Variants in SMC6 observed in about 807,000 individuals in gnomAD.
The protein encoded by SMC6 is structural maintenance of chromosomes 6.
Under a neutral mutation model 142.2 loss-of-function variants are expected in SMC6, and 79 were observed. That is an observed-to-expected ratio of 0.56 (90% CI 0.46 to 0.67). The LOEUF is 0.67. Among genes scored for constraint, SMC6 ranks in the 30% least tolerant of loss-of-function variants. SMC6 has a pLI of 0.00. For missense variants in SMC6, 1,072 were observed against 1,284.0 expected (o/e 0.83, Z 2.52); for synonymous variants, 411 against 412.4 (o/e 1.00, Z 0.04).
intron 23 of SMC6, among the ~76,000 whole-genome samples, chr2:17,689,954 T>C (rs1401420579): frequency 6.6e-6 from 1 of 152,190 alleles, no homozygotes; most frequent in African/African-American, 2.4e-5. Flanking sequence ...AATCAGTGGA[T>C]ACAGAGAGCC....
chr2:17,705,808 T>C (rs546906867), intron 18 of SMC6, among the ~76,000 whole-genome samples: 13 of 152,330 alleles, frequency 8.5e-5, no homozygotes, highest in African/African-American at 3.1e-4. Flanking sequence ...TTTTTTTTAC[T>C]GAGTTTTTAC....
chr2:17,742,138 G>A (rs921549837), intron 3 of SMC6, among the ~76,000 whole-genome samples: 2 of 152,138 alleles, frequency 1.3e-5, no homozygotes, highest in Non-Finnish European at 2.9e-5. Flanking sequence ...TCCCTGGGGG[G>A]CGCAAAAGGG....
chr2:17,671,010 T>C (rs568229275), intron 25 of SMC6, among the ~76,000 whole-genome samples: 1 of 150,758 alleles, frequency 6.6e-6, no homozygotes, highest in East Asian at 2.0e-4. Flanking sequence ...CACAGGAGTA[T>C]GCCACCACGG....
In SMC6 at chr2:17,716,863, T is replaced by C. The variant is rs1669112348; in HGVS notation, c.1224A>G (p.Lys408=). The change falls in exon 14 of 28, where the codon AAA becomes AAG. Residue 408 remains lysine, a synonymous_variant. Transcript: ENST00000448223. Reference sequence around the variant, plus strand: ...CTCTCTCTTTTAACCAAGATATTTTTTTTTGTCTTTCCAACCGTTCAGGTT... The same window carrying C: ...CTCTCTCTTTTAACCAAGATATTTTCTTTTGTCTTTCCAACCGTTCAGGTT... ...SLEPERLERQ[K]KISWLKERVK... is the part of the protein sequence containing the mutation. 1 of 1,612,080 alleles carries C rather than the reference T, an allele frequency of 6.2e-7. No individual in the cohort carries two copies. Among genetic ancestry groups the C allele is most frequent in the South Asian group, 1.1e-5 (1 of 90,496 alleles).
chr2:17,708,640 T>C lies in SMC6; in HGVS notation c.1844A>G (p.Lys615Arg), dbSNP rs1202408223. 2 of 1,467,310 alleles carry C rather than the reference T, an allele frequency of 1.4e-6. No homozygotes were observed. Among genetic ancestry groups the C allele is most frequent in the Admixed American group, 4.6e-5 (2 of 43,528 alleles). 90.9% of individuals were successfully genotyped at this position (1,467,310 alleles called of 1,614,324 possible). The change falls in exon 17 of 28, where the codon AAA becomes AGA. Residue 615 changes from lysine to arginine, a missense_variant and splice_region_variant. Physicochemically the swap from Lys to Arg is conservative, Grantham distance 26 (BLOSUM62 2). Coordinates refer to ENST00000448223, the MANE Select transcript of SMC6 (RefSeq NM_001142286.2). The part of the protein sequence containing the change: ...MRGIETVLLI[K>R]NNSVARAVMQ... ...ACAGCAAAGATCTGGAGGTCTTACT[T>C]TGATTAGTAGCACTGTCTCTATGCC...
Position 17,700,223 on chromosome 2 carries a change from T to C in SMC6, c.2379A>G (p.Leu793=). The C allele has an allele frequency of 6.2e-7, 1 of 1,603,932 alleles. No individual in the cohort carries two copies. The highest frequency in any genetic ancestry group is 8.5e-7 in the Non-Finnish European group (1 of 1,175,528). Residue 793 remains leucine (L), a synonymous_variant, in exon 21 of 28, where the codon CTA becomes CTG. Transcript: ENST00000448223. ...IKFKINQLSE[L]ADPLKDELNL... ...AAATATATACCTTAAGTGGGTCTGC[T>C]AGCTCCGATAGTTGATTAATTTTGA...
At chr2:17,691,159 G>A (rs1183924910) in intron 23 of SMC6, among the ~76,000 whole-genome samples, 4 of 149,162 alleles carry the variant, frequency 2.7e-5, no homozygotes, top group Non-Finnish European at 6.0e-5. Flanking sequence ...AACCAAAACA[G>A]CAACTATTCA....
chr2:17,721,108 T>C (rs371492668), intron 10 of SMC6, 34 bp downstream of exon 10: 14 of 1,611,340 alleles, frequency 8.7e-6, no homozygotes, highest in Admixed American at 1.7e-5. Context: ...GCATATCACA[T>C]AGATACGTGA....
intron 25 of SMC6, among the ~76,000 whole-genome samples, chr2:17,671,107 C>T (rs1334963274): frequency 2.0e-4 from 30 of 150,942 alleles, no homozygotes; most frequent in African/African-American, 6.6e-4. Context: ...CTCCTCGGTT[C>T]AAGCAATCCT....
At chr2:17,752,413 C>G (rs1479359042) in intron 2 of SMC6, among the ~76,000 whole-genome samples, 1 of 152,174 alleles carries the variant, frequency 6.6e-6, no homozygotes, top group African/African-American at 2.4e-5. Context: ...TTTTCAGTCC[C>G]TTGATTGAGT....
At position 17,665,590 on chromosome 2, in the gene SMC6, A is replaced by C; in HGVS notation, c.3185T>G (p.Ile1062Arg). ...AGGATCAGACATTCGGAGAATTCTT[A>C]TCAGTTTACTGGATGGAAGTGAACT... ...SMSSLPSSKL[I>R]RILRMSDPER... is the part of the protein sequence containing the mutation. Residue 1062 changes from isoleucine to arginine, a missense_variant, in exon 28 of 28, where the codon ATA becomes AGA. Ile to Arg is a moderately conservative substitution (Grantham distance 97, BLOSUM62 -3). Transcript: ENST00000448223. 3 of 1,610,492 alleles carry C rather than the reference A, an allele frequency of 1.9e-6. No homozygotes were observed. The highest frequency in any genetic ancestry group is 2.5e-6 in the Non-Finnish European group (3 of 1,178,040).
chr2:17,668,664 A>C (rs1489242516), intron 26 of SMC6, among the ~76,000 whole-genome samples: 1 of 152,186 alleles, frequency 6.6e-6, no homozygotes, highest in Non-Finnish European at 1.5e-5. Flanking sequence ...CCTGCCTGAT[A>C]GGGTATGGTG....
chr2:17,741,812 CT>C (rs1362045743), intron 3 of SMC6, 83 bp from the exon 4 acceptor site: 3 of 810,796 alleles, frequency 3.7e-6, no homozygotes, highest in African/African-American at 1.7e-5. Context: ...ATCAGAAAGA[CT>C]AGCACCATCA....
chr2:17,703,837 C>T (rs1385621892), intron 18 of SMC6, among the ~76,000 whole-genome samples: 2 of 151,872 alleles, frequency 1.3e-5, no homozygotes, highest in East Asian at 3.9e-4. Context: ...ACTGTATATA[C>T]TGTATTATAA....
At chr2:17,732,305 T>C (rs1317234271) in intron 5 of SMC6, among the ~76,000 whole-genome samples, 2 of 152,204 alleles carry the variant, frequency 1.3e-5, no homozygotes, top group East Asian at 1.9e-4. Context: ...GTAAGAATTA[T>C]GGTAAAGTAG....
rs1317661686 is a variant in SMC6, at chr2:17,666,166, A to G, written c.3161+254T>C. On this transcript the variant is annotated intron_variant, in intron 27 of 27. Transcript: ENST00000448223. The stretch of plus-strand genomic sequence containing the variant: ...TAAAATTATATTACTTTAGTTTGTC[A>G]TGATAACTACAAAGAAGCAGACTCA... 2.0e-5 allele frequency among the ~76,000 whole-genome samples: 3 copies of G among 152,366 alleles called. No homozygotes were observed. In the East Asian group the frequency reaches 5.8e-4, roughly 29 times the overall value.
At chr2:17,666,288 G>A (rs571751587) in intron 27 of SMC6, 132 bp downstream of exon 27, 3 of 613,146 alleles carry the variant, frequency 4.9e-6, no homozygotes, top group African/African-American at 1.8e-5. Flanking sequence ...CAAATCTCCT[G>A]AACCAGTAGG....
In SMC6 at chr2:17,716,222, C is replaced by T. The variant is rs1363115785; in HGVS notation, c.1389G>A (p.Gln463=). 42 of 1,611,602 alleles carry T rather than the reference C, an allele frequency of 2.6e-5. No homozygotes were observed. Among genetic ancestry groups the T allele is most frequent in the Non-Finnish European group, 3.1e-5 (36 of 1,179,338 alleles). ...TATCTTTCAATTCTTTCAGTTGCCT[C>T]TGATTGTAGCTCAGTGCATGCTTCA... is the stretch of plus-strand genomic sequence containing the variant. ...LDVKHALSYN[Q]RQLKELKDSK... is the part of the protein sequence containing the mutation. The change falls in exon 15 of 28, where the codon CAG becomes CAA. Residue 463 remains glutamine, a synonymous_variant. Coordinates refer to ENST00000448223, the MANE Select transcript of SMC6 (RefSeq NM_001142286.2).
chr2:17,710,743 A>G (rs1005623649), intron 16 of SMC6, among the ~76,000 whole-genome samples: 4 of 152,196 alleles, frequency 2.6e-5, no homozygotes, highest in Non-Finnish European at 5.9e-5. Context: ...AAGCGAAGTG[A>G]GGCTTGCTGA....
Sources: allele counts gnomAD v4.1 joint callset (sites outside exome capture counted in the v4.1 genomes callset), GRCh38; gene constraint gnomAD v4.1.1; transcripts MANE v1.5; gene names NCBI Gene and HGNC (gene_info 2026-07-23, HGNC 2026-07-21).